VWC2L: variants seen among roughly 807,000 people sequenced by gnomAD.
VWC2L encodes the protein von Willebrand factor C domain containing 2 like, also known as von Willebrand factor C domain-containing protein 2-like.
Under a neutral mutation model 21.6 loss-of-function variants are expected in VWC2L, and 10 were observed. The observed-to-expected ratio is 0.46, with a 90% confidence interval of 0.29 to 0.78. VWC2L has a LOEUF of 0.78. Among genes scored for constraint, VWC2L ranks in the 30% least tolerant of loss-of-function variants. The pLI is 0.10. For synonymous variants in VWC2L, 96 were observed against 94.3 expected (o/e 1.02, Z -0.10); for missense variants, 209 against 277.1 (o/e 0.75, Z 1.74).
At chr2:214,446,680 T>C (rs901818804) in intron 3 of VWC2L, among the ~76,000 whole-genome samples, 3 of 152,150 alleles carry the variant, frequency 2.0e-5, no homozygotes, top group Non-Finnish European at 4.4e-5. Flanking sequence ...GACTATTTTT[T>C]CCCTAAGTAA....
At chr2:214,491,103 G>A (rs940533754) in intron 3 of VWC2L, among the ~76,000 whole-genome samples, 1 of 152,180 alleles carries the variant, frequency 6.6e-6, no homozygotes, top group African/African-American at 2.4e-5. Context: ...AGATAATCCT[G>A]AAGGTTGCAT....
At chr2:214,447,617 C>G (rs6720348) in intron 3 of VWC2L, among the ~76,000 whole-genome samples, 7,771 of 151,952 alleles carry the variant, frequency 0.051, 604 homozygotes, top group African/African-American at 0.18. Context: ...AAAATAAAAA[C>G]AAAGCTGTGG....
At chr2:214,503,012 A>G (rs13023067) in intron 3 of VWC2L, among the ~76,000 whole-genome samples, 55,165 of 152,120 alleles carry the variant, frequency 0.36, 11,057 homozygotes, top group South Asian at 0.48. Flanking sequence ...AAAGCTGAGA[A>G]CCAATATCTT....
rs1702683374 is a variant in VWC2L, at chr2:214,436,648, G to A, written c.410G>A (p.Cys137Tyr). Reference protein sequence around the residue: ...EEFKPSPCEWCRCEPSNEVHC... With the variant: ...EEFKPSPCEWYRCEPSNEVHC... Reference sequence around the variant, plus strand: ...TCCTAGCCCTCTCCATGTGAATGGTGTCGCTGTGAGCCCAGCAATGAAGTT... The same window carrying A: ...TCCTAGCCCTCTCCATGTGAATGGTATCGCTGTGAGCCCAGCAATGAAGTT... Residue 137 changes from cysteine to tyrosine, a missense_variant, in exon 3 of 4, where the codon TGT (cysteine) becomes TAT (tyrosine). Coordinates refer to ENST00000312504, the MANE Select transcript of VWC2L (RefSeq NM_001080500.4). 1 of 1,613,340 alleles carries A rather than the reference G, an allele frequency of 6.2e-7. No homozygotes were observed. The highest frequency in any genetic ancestry group is 8.5e-7 in the Non-Finnish European group (1 of 1,179,400).
Position 214,575,733 on chromosome 2 carries a change from A to G in VWC2L, c.582A>G (p.Glu194=). The G allele has an allele frequency of 6.2e-7, 1 of 1,613,538 alleles. No homozygotes were observed. ...CTGGCATTGAAGTGAAAGTGGACGA[A>G]TGTAACATCTGTCATTGTCACAACG... is the stretch of plus-strand genomic sequence containing the variant. ...IPAGIEVKVD[E]CNICHCHNGD... Residue 194 remains glutamate (E), a synonymous_variant, in exon 4 of 4, where the codon GAA becomes GAG. Coordinates refer to ENST00000312504, the MANE Select transcript of VWC2L (RefSeq NM_001080500.4).
At position 214,578,108 on chromosome 2, in the gene VWC2L, C is replaced by A. The variant is rs901651235; in HGVS notation, c.*2288C>A. The A allele has an allele frequency of 2.0e-5, 3 of 152,062 alleles. No homozygotes were observed. Among genetic ancestry groups the A allele is most frequent in the Non-Finnish European group, 2.9e-5 (2 of 68,014 alleles). The allele number at this position is 152,062 out of a possible 1,614,324, so 9.4% of individuals were successfully genotyped here. A position where few individuals can be genotyped will look rare whatever the true frequency, so the allele number is the denominator to read the frequency against. On this transcript the variant is annotated 3_prime_UTR_variant, in exon 4 of 4. Coordinates refer to ENST00000312504, the MANE Select transcript of VWC2L (RefSeq NM_001080500.4). Reference sequence around the variant, plus strand: ...CCCCGAGGTTGCCTGTTGCCAACTTCAAAAATCCACACTCTTGGAAAGAAA... The same window carrying A: ...CCCCGAGGTTGCCTGTTGCCAACTTAAAAAATCCACACTCTTGGAAAGAAA...
intron 2 of VWC2L, among the ~76,000 whole-genome samples, chr2:214,423,295 C>T: frequency 6.6e-6 from 1 of 151,974 alleles, no homozygotes; most frequent in East Asian, 1.9e-4. Flanking sequence ...AGATCTAAAA[C>T]AGAACTTTGA....
chr2:214,431,684 T>C (rs1227204377), intron 2 of VWC2L, among the ~76,000 whole-genome samples: 1 of 152,246 alleles, frequency 6.6e-6, no homozygotes, highest in African/African-American at 2.4e-5. Context: ...TGGACATGTT[T>C]AAAATCAGGA....
At chr2:214,521,957 T>C (rs1689247402) in intron 3 of VWC2L, among the ~76,000 whole-genome samples, 1 of 152,222 alleles carries the variant, frequency 6.6e-6, no homozygotes, top group African/African-American at 2.4e-5. Flanking sequence ...CTTAATAGCT[T>C]TTGAGAACAT....
intron 2 of VWC2L, among the ~76,000 whole-genome samples, chr2:214,419,744 G>C (rs557033078): frequency 1.3e-5 from 2 of 152,146 alleles, no homozygotes; most frequent in Non-Finnish European, 2.9e-5. Context: ...ATTTTTTCAA[G>C]TCAAATGTCT....
chr2:214,436,598 G>A (rs1702682671), intron 2 of VWC2L, 31 bp from the exon 3 acceptor site: 1 of 1,610,898 alleles, frequency 6.2e-7, no homozygotes, highest in Admixed American at 1.7e-5. Context: ...AGTTATAGGA[G>A]AAAAGGGGCT....
At chr2:214,452,388 T>C (rs7603386) in intron 3 of VWC2L, among the ~76,000 whole-genome samples, 25,588 of 152,128 alleles carry the variant, frequency 0.17, 2,732 homozygotes, top group African/African-American at 0.29. Flanking sequence ...ATCTAGCTTT[T>C]TTCATTCAGC....
At chr2:214,567,547 TACACACACAC>T (rs71409879) in intron 3 of VWC2L, among the ~76,000 whole-genome samples, 16,899 of 119,278 alleles carry the variant, frequency 0.14, 983 homozygotes, top group Middle Eastern at 0.22. Flanking sequence ...TTCATCCACA[TACACACACAC>T]ACACACACAC....
chr2:214,572,005 C>T (rs780007617), intron 3 of VWC2L, among the ~76,000 whole-genome samples: 4 of 152,114 alleles, frequency 2.6e-5, no homozygotes, highest in South Asian at 4.1e-4. Context: ...TGGTCTCAAA[C>T]TCCTGGGCTC....
chr2:214,527,101 C>A (rs1235453574), intron 3 of VWC2L, among the ~76,000 whole-genome samples: 1 of 152,116 alleles, frequency 6.6e-6, no homozygotes, highest in Admixed American at 6.6e-5. Flanking sequence ...TTTGCAGCAA[C>A]ATGAATGCAG....
chr2:214,421,950 G>T (rs1375908663), intron 2 of VWC2L, among the ~76,000 whole-genome samples: 2 of 117,522 alleles, frequency 1.7e-5, no homozygotes, highest in African/African-American at 3.9e-5. Context: ...GGAGTGCAGT[G>T]GCGCGATCTC....
At chr2:214,570,722 A>G (rs2105934239) in intron 3 of VWC2L, among the ~76,000 whole-genome samples, 1 of 152,074 alleles carries the variant, frequency 6.6e-6, no homozygotes, top group Non-Finnish European at 1.5e-5. Context: ...GAATTTTCCT[A>G]CCTTTTCCTC....
intron 3 of VWC2L, among the ~76,000 whole-genome samples, chr2:214,518,418 T>G (rs1574611530): frequency 1.3e-5 from 2 of 152,258 alleles, no homozygotes; most frequent in Admixed American, 6.5e-5. Flanking sequence ...ATGATGACAT[T>G]ATGATGATGC....
rs80125219 is a variant in VWC2L, at chr2:214,501,392, A to T, written c.520+64634A>T. Among the ~76,000 whole-genome samples, 1,019 of 152,090 alleles carry T rather than the reference A, an allele frequency of 6.7e-3. 11 individuals carry two copies. Among genetic ancestry groups the T allele is most frequent in the African/African-American group, 0.023 (970 of 41,468 alleles). On this transcript the variant is annotated intron_variant, in intron 3 of 3. Coordinates refer to ENST00000312504, the MANE Select transcript of VWC2L (RefSeq NM_001080500.4). ...CATGCCTCCCCGAATCCATACCCTT[A>T]CGTGTACCTGCCCACTCCCACCTTA... is the stretch of plus-strand genomic sequence containing the variant.
Sources: allele counts gnomAD v4.1 joint callset (sites outside exome capture counted in the v4.1 genomes callset), GRCh38; gene constraint gnomAD v4.1.1; transcripts MANE v1.5; gene names NCBI Gene and HGNC (gene_info 2026-07-23, HGNC 2026-07-21).